C1QTNF3: variants seen among roughly 807,000 people sequenced by gnomAD.
The protein encoded by C1QTNF3 is C1q and TNF related 3.
Under a neutral mutation model 32.6 loss-of-function variants are expected in C1QTNF3, and 26 were observed. That is an observed-to-expected ratio of 0.80 (90% CI 0.58 to 1.11). The LOEUF is 1.11. C1QTNF3 is among the 50% of genes least tolerant of loss of function. The probability of loss-of-function intolerance (pLI) is 0.00; values close to 1 mark genes in which losing one functional copy is unlikely to be tolerated. For synonymous variants in C1QTNF3, 155 were observed against 146.0 expected (o/e 1.06, Z -0.44); for missense variants, 362 against 398.2 (o/e 0.91, Z 0.77).
the C1QTNF3 span, among the ~76,000 whole-genome samples, chr5:34,219,459 G>A: frequency 4.0e-5 from 6 of 151,574 alleles, no homozygotes; most frequent in African/African-American, 1.5e-4. Context: ...CAGGGAAGGA[G>A]ACACAGGGTA....
At chr5:34,161,299 C>T in the C1QTNF3 span, among the ~76,000 whole-genome samples, 1 of 152,004 alleles carries the variant, frequency 6.6e-6, no homozygotes, top group African/African-American at 2.4e-5. Flanking sequence ...CCAAACCTTC[C>T]ACTAGGAGCT....
chr5:34,237,721 G>A, the C1QTNF3 span, among the ~76,000 whole-genome samples: 6 of 152,132 alleles, frequency 3.9e-5, no homozygotes, highest in African/African-American at 1.4e-4. Context: ...GAGGGAGGAA[G>A]CCTGTGCAGG....
At chr5:34,061,422 G>A in the C1QTNF3 span, among the ~76,000 whole-genome samples, 1 of 152,174 alleles carries the variant, frequency 6.6e-6, no homozygotes, top group East Asian at 1.9e-4. Flanking sequence ...CCCCAGTAGG[G>A]ACTCTGTGTG....
rs555600658 is a variant in C1QTNF3, at chr5:34,022,633, AC to A, written c.800+1275del. ...AGTGGGCAGAGAAGGTTAGCTGTTC[AC>A]CAGAATCCCCTTTCTTCTGTTCCAT... On this transcript the variant is annotated intron_variant, in intron 5 of 5. Transcript: ENST00000382065. Among the ~76,000 whole-genome samples the A allele has an allele frequency of 2.2e-3, 340 of 152,312 alleles. 1 individual carries two copies. The highest frequency in any genetic ancestry group is 7.9e-3 in the African/African-American group (329 of 41,572).
At chr5:34,129,233 C>G in the C1QTNF3 span, among the ~76,000 whole-genome samples, 2 of 152,114 alleles carry the variant, frequency 1.3e-5, no homozygotes, top group African/African-American at 4.8e-5. Context: ...TCAATTAAAC[C>G]TCTTTTCTTT....
chr5:34,052,388 A>G, the C1QTNF3 span, among the ~76,000 whole-genome samples: 1 of 152,228 alleles, frequency 6.6e-6, no homozygotes, highest in African/African-American at 2.4e-5. Flanking sequence ...TCTATACCAT[A>G]ACGAGATCTT....
chr5:34,135,078 T>A, the C1QTNF3 span, among the ~76,000 whole-genome samples: 1 of 152,178 alleles, frequency 6.6e-6, no homozygotes, highest in African/African-American at 2.4e-5. Context: ...TCTTACTATT[T>A]TGAGTTACGT....
chr5:34,020,648 C>A lies in C1QTNF3; in HGVS notation c.895G>T (p.Ala299Ser). 6.2e-7 allele frequency: 1 copy of A among 1,614,200 alleles called. No individual in the cohort carries two copies. Among genetic ancestry groups the A allele is most frequent in the Non-Finnish European group, 8.5e-7 (1 of 1,180,040 alleles). Residue 299 changes from alanine to serine, a missense_variant, in exon 6 of 6, where the codon GCT (alanine) becomes TCT (serine). Transcript: ENST00000382065. ...AAGCGTTGGTGGTCCCCATGGAGAGCGCCATTGCCCATTCGCAGCCAAACC... is the reference window on the plus strand; with the variant it reads ...AAGCGTTGGTGGTCCCCATGGAGAGAGCCATTGCCCATTCGCAGCCAAACC... ...DEVWLRMGNG[A>S]LHGDHQRFST...
chr5:34,146,583 A>G, the C1QTNF3 span, among the ~76,000 whole-genome samples: 1 of 152,218 alleles, frequency 6.6e-6, no homozygotes, highest in Non-Finnish European at 1.5e-5. Flanking sequence ...TACTTATTTA[A>G]TAAGTAGTGC....
the C1QTNF3 span, among the ~76,000 whole-genome samples, chr5:34,159,303 A>G: frequency 6.6e-6 from 1 of 152,120 alleles, no homozygotes; most frequent in African/African-American, 2.4e-5. Context: ...CTCATTCCAG[A>G]GGAATGAGAG....
the C1QTNF3 span, among the ~76,000 whole-genome samples, chr5:34,068,627 C>T: frequency 6.6e-6 from 1 of 152,004 alleles, no homozygotes; most frequent in Non-Finnish European, 1.5e-5. Context: ...ATGCAAATTT[C>T]CATAAGCTTA....
chr5:34,113,747 G>A, the C1QTNF3 span, among the ~76,000 whole-genome samples: 1 of 151,932 alleles, frequency 6.6e-6, no homozygotes. Flanking sequence ...CTAGGAATTT[G>A]GAACATAACC....
chr5:34,120,364 C>T, the C1QTNF3 span, among the ~76,000 whole-genome samples: 2 of 151,620 alleles, frequency 1.3e-5, no homozygotes, highest in African/African-American at 4.8e-5. Flanking sequence ...TTTCATAAAT[C>T]ACATTTTTTT....
chr5:34,153,853 T>TAAAAAAAAAA, the C1QTNF3 span, among the ~76,000 whole-genome samples: 4 of 32,920 alleles, frequency 1.2e-4, no homozygotes, highest in East Asian at 6.3e-4. Context: ...ACTTAGAGTA[T>TAAAAAAAAAA]AAAAAAAAAA....
chr5:34,141,374 T>C, the C1QTNF3 span, among the ~76,000 whole-genome samples: 1 of 152,130 alleles, frequency 6.6e-6, no homozygotes, highest in African/African-American at 2.4e-5. Context: ...TGCCTCAGCC[T>C]CCCAAAGTGC....
the C1QTNF3 span, among the ~76,000 whole-genome samples, chr5:34,147,496 G>A: frequency 8.5e-5 from 13 of 152,188 alleles, no homozygotes; most frequent in East Asian, 1.9e-4. Context: ...AAAAAAGAAC[G>A]AAATCAGGTC....
chr5:34,156,323 G>A, the C1QTNF3 span, among the ~76,000 whole-genome samples: 1 of 152,012 alleles, frequency 6.6e-6, no homozygotes, highest in Non-Finnish European at 1.5e-5. Context: ...CACCCGCCTC[G>A]GCCTCCCAAA....
the C1QTNF3 span, among the ~76,000 whole-genome samples, chr5:34,118,552 C>T: frequency 6.6e-6 from 1 of 151,946 alleles, no homozygotes; most frequent in Non-Finnish European, 1.5e-5. Flanking sequence ...TACATAAGAT[C>T]TTTGCTGACA....
chr5:34,134,730 T>C, the C1QTNF3 span, among the ~76,000 whole-genome samples: 11 of 152,166 alleles, frequency 7.2e-5, no homozygotes, highest in Non-Finnish European at 1.0e-4. Context: ...GTTTGTCTGT[T>C]ATTGGTGTAT....
Sources: gnomAD v4.1 joint callset for allele counts (sites outside exome capture counted in the v4.1 genomes callset) on GRCh38, gnomAD v4.1.1 for gene constraint, MANE v1.5 for transcripts, NCBI Gene and HGNC (gene_info 2026-07-23, HGNC 2026-07-21) for gene names.